The following MYO3B variants were observed in gnomAD, a reference collection of about 807,000 sequenced individuals.
MYO3B encodes the protein myosin IIIB.
A neutral mutation model predicts 174.6 loss-of-function variants in MYO3B; 156 were observed. The ratio of observed to expected loss-of-function variants is 0.89; its 90% CI spans 0.78 to 1.02. The LOEUF is 1.02. Among genes scored for constraint, MYO3B ranks in the 50% least tolerant of loss-of-function variants. The pLI, the probability that MYO3B is intolerant of heterozygous loss-of-function variation, is 0.00. For synonymous variants in MYO3B, 563 were observed against 569.1 expected (o/e 0.99, Z 0.15); for missense variants, 1,632 against 1,639.4 (o/e 1.00, Z 0.08).
intron 28 of MYO3B, among the ~76,000 whole-genome samples, chr2:170,506,822 G>A (rs1687647340): frequency 2.0e-5 from 3 of 152,154 alleles, no homozygotes; most frequent in Non-Finnish European, 4.4e-5. Context: ...TAAGTAGATT[G>A]TTGATCCCAA....
intron 12 of MYO3B, among the ~76,000 whole-genome samples, chr2:170,384,473 A>G (rs1173590873): frequency 6.6e-6 from 1 of 152,166 alleles, no homozygotes; most frequent in Non-Finnish European, 1.5e-5. Flanking sequence ...TTTGGCAAGC[A>G]AATTTTCTGA....
chr2:170,473,883 C>T (rs1013513628), intron 25 of MYO3B, among the ~76,000 whole-genome samples: 1 of 152,210 alleles, frequency 6.6e-6, no homozygotes, highest in African/African-American at 2.4e-5. Context: ...CCACTTGGAG[C>T]TTCCTAACAC....
chr2:170,482,836 A>G (rs76945264), intron 25 of MYO3B, among the ~76,000 whole-genome samples: 1,771 of 152,336 alleles, frequency 0.012, 54 homozygotes, highest in East Asian at 0.094. Context: ...TTTCCAGAAT[A>G]TTATAGGCTA....
chr2:170,261,071 T>C (rs2093341893), intron 7 of MYO3B, among the ~76,000 whole-genome samples: 1 of 152,230 alleles, frequency 6.6e-6, no homozygotes, highest in South Asian at 2.1e-4. Context: ...TTGCCCAGGC[T>C]GGAGTGCAAT....
At chr2:170,444,223 T>A (rs1454633782) in intron 23 of MYO3B, among the ~76,000 whole-genome samples, 177 bp downstream of exon 23, 1 of 152,212 alleles carries the variant, frequency 6.6e-6, no homozygotes, top group Non-Finnish European at 1.5e-5. Flanking sequence ...CATCATGGAA[T>A]CCTTACAATC....
rs137883884 is a variant in MYO3B, at chr2:170,404,556, G to T, written c.2431+156G>T. Among the ~76,000 whole-genome samples, 177 of 152,230 alleles carry T rather than the reference G, an allele frequency of 1.2e-3. 1 individual carries two copies. The highest frequency in any genetic ancestry group is 4.1e-3 in the African/African-American group (170 of 41,540). On this transcript the variant is annotated intron_variant, in intron 20 of 34. Coordinates refer to ENST00000408978, the MANE Select transcript of MYO3B (RefSeq NM_138995.5). Reference sequence around the variant, plus strand: ...CTTTTTCATTGAATTGAAGTGTTGTGGTAGAATTTGAATGTTAAAGCAAAC... The same window carrying T: ...CTTTTTCATTGAATTGAAGTGTTGTTGTAGAATTTGAATGTTAAAGCAAAC...
At chr2:170,544,331 A>G (rs1690330099) in intron 32 of MYO3B, among the ~76,000 whole-genome samples, 1 of 152,222 alleles carries the variant, frequency 6.6e-6, no homozygotes, top group Admixed American at 6.5e-5. Flanking sequence ...AGGAGTTGAT[A>G]AAGAATATGG....
intron 5 of MYO3B, among the ~76,000 whole-genome samples, chr2:170,216,887 G>C (rs2092834729): frequency 1.1e-5 from 1 of 90,264 alleles, no homozygotes; most frequent in Non-Finnish European, 2.1e-5. Context: ...ATGTCCATTA[G>C]GGAAAAAAAA....
chr2:170,379,561 G>A (rs554691242), intron 9 of MYO3B, among the ~76,000 whole-genome samples: 39 of 152,258 alleles, frequency 2.6e-4, no homozygotes, highest in African/African-American at 7.2e-4. Context: ...GATTTTGATC[G>A]GAAATATGTA....
intron 15 of MYO3B, among the ~76,000 whole-genome samples, chr2:170,391,850 A>C (rs2094414110): frequency 1.3e-5 from 2 of 152,094 alleles, no homozygotes; most frequent in African/African-American, 4.8e-5. Flanking sequence ...ATTCTACCAC[A>C]GTATTAGACT....
intron 5 of MYO3B, 24 bp from the exon 6 acceptor site, chr2:170,217,295 A>G: frequency 6.2e-7 from 1 of 1,609,406 alleles, no homozygotes; most frequent in South Asian, 1.1e-5. Flanking sequence ...CTCACTTTTG[A>G]ATTCTGATAC....
chr2:170,422,257 C>T (rs1217923187), intron 22 of MYO3B, among the ~76,000 whole-genome samples: 1 of 152,096 alleles, frequency 6.6e-6, no homozygotes, highest in Non-Finnish European at 1.5e-5. Context: ...GGCTGGAGTA[C>T]AGTGGTATCA....
At chr2:170,382,887 C>T in intron 10 of MYO3B, 186 bp from the exon 11 acceptor site, 1 of 484,264 alleles carries the variant, frequency 2.1e-6, no homozygotes, top group Non-Finnish European at 3.7e-6. Context: ...CCTATTTTTT[C>T]TTTCAAGGCA....
At chr2:170,402,529 A>T (rs2094484238) in intron 18 of MYO3B, among the ~76,000 whole-genome samples, 1 of 152,144 alleles carries the variant, frequency 6.6e-6, no homozygotes, top group African/African-American at 2.4e-5. Flanking sequence ...GATAGGTGGG[A>T]GAATAAATAA....
intron 25 of MYO3B, among the ~76,000 whole-genome samples, chr2:170,467,258 A>G (rs1247459987): frequency 6.6e-6 from 1 of 152,228 alleles, no homozygotes; most frequent in Non-Finnish European, 1.5e-5. Flanking sequence ...ATGAAAAGAA[A>G]GTAAGTGATT....
chr2:170,450,592 A>G (rs886669055), intron 23 of MYO3B, among the ~76,000 whole-genome samples: 1 of 152,122 alleles, frequency 6.6e-6, no homozygotes, highest in Non-Finnish European at 1.5e-5. Flanking sequence ...TTTACTCAAA[A>G]GGCAAACAAG....
chr2:170,452,923 G>A (rs567661218), intron 23 of MYO3B, among the ~76,000 whole-genome samples: 1 of 152,234 alleles, frequency 6.6e-6, no homozygotes, highest in East Asian at 1.9e-4. Context: ...AAAAAACAAA[G>A]CCTTAGCTAT....
intron 23 of MYO3B, among the ~76,000 whole-genome samples, chr2:170,447,069 G>A (rs1194013899): frequency 6.6e-6 from 1 of 152,164 alleles, no homozygotes; most frequent in South Asian, 2.1e-4. Context: ...GTCTTCAGGG[G>A]AGAAGGGAGG....
At chr2:170,424,568 G>T (rs554696231) in intron 22 of MYO3B, among the ~76,000 whole-genome samples, 1 of 152,006 alleles carries the variant, frequency 6.6e-6, no homozygotes, top group Non-Finnish European at 1.5e-5. Context: ...AGTGAACCAA[G>T]ATTGCACTCC....
Sources: allele counts gnomAD v4.1 joint callset (sites outside exome capture counted in the v4.1 genomes callset), GRCh38; gene constraint gnomAD v4.1.1; transcripts MANE v1.5; gene names NCBI Gene and HGNC (gene_info 2026-07-23, HGNC 2026-07-21).